The following TSHZ3 variants were observed in gnomAD, a reference collection of about 807,000 sequenced individuals.
TSHZ3 encodes the protein teashirt zinc finger homeobox 3.
In TSHZ3, 10 loss-of-function variants were observed where a neutral mutation model predicts 64.5. That is an observed-to-expected ratio of 0.16 (90% CI 0.10 to 0.26). TSHZ3 has a LOEUF of 0.26. Ranked by LOEUF, TSHZ3 falls within the 10% of genes least tolerant of loss-of-function variation. The probability of loss-of-function intolerance (pLI) is 1.00; values close to 1 mark genes in which losing one functional copy is unlikely to be tolerated. For synonymous variants in TSHZ3, 608 were observed against 593.1 expected (o/e 1.03, Z -0.36); for missense variants, 1,242 against 1,421.7 (o/e 0.87, Z 2.03).
chr19:31,281,991 G>A lies in TSHZ3; in HGVS notation c.41-2239C>T, dbSNP rs114377115. On this transcript the variant is annotated intron_variant, in intron 1 of 1. Coordinates refer to ENST00000240587, the MANE Select transcript of TSHZ3 (RefSeq NM_020856.4). ...AACTGAAGGATGGCTTGTTACCCTA[G>A]CTGGGGCACACAGTATGACTGAGGT... Among the ~76,000 whole-genome samples, 528 of 152,248 alleles carry A rather than the reference G, an allele frequency of 3.5e-3. 5 individuals carry two copies. Among genetic ancestry groups the A allele is most frequent in the African/African-American group, 0.012 (510 of 41,542 alleles).
intron 1 of TSHZ3, among the ~76,000 whole-genome samples, chr19:31,303,923 T>G (rs558449725): frequency 6.6e-6 from 1 of 152,250 alleles, no homozygotes; most frequent in African/African-American, 2.4e-5. Flanking sequence ...TTCCCAGCAC[T>G]AACCCACACA....
chr19:31,276,705 T>A lies in TSHZ3; in HGVS notation c.3088A>T (p.Thr1030Ser). The A allele has an allele frequency of 6.2e-7, 1 of 1,613,682 alleles. No homozygotes were observed. Among genetic ancestry groups the A allele is most frequent in the South Asian group, 1.1e-5 (1 of 91,060 alleles). The change falls in exon 2 of 2, where the codon ACG becomes TCG. Residue 1030 changes from threonine (T) to serine (S), a missense_variant. Physicochemically the swap from Thr to Ser is moderately conservative, Grantham distance 58. Around this residue, in one of 4 missense-constraint regions of TSHZ3, gnomAD observed 126 missense variants for 140.6 expected, o/e 0.90. Transcript: ENST00000240587. Reference protein sequence around the residue: ...QTKSPSEKMVTSSPEEDLGTS... With the variant: ...QTKSPSEKMVSSSPEEDLGTS... Reference sequence around the variant, plus strand: ...CCCAGGTCTTCCTCGGGGGAGGACGTCACCATTTTTTCTGACGGTGACTTG... The same window carrying A: ...CCCAGGTCTTCCTCGGGGGAGGACGACACCATTTTTTCTGACGGTGACTTG...
At chr19:31,336,376 G>A (rs1220915786) in intron 1 of TSHZ3, among the ~76,000 whole-genome samples, 1 of 152,122 alleles carries the variant, frequency 6.6e-6, no homozygotes, top group African/African-American at 2.4e-5. Context: ...TCGCTCTCTG[G>A]CTGGGACTCT....
chr19:31,177,921 A>C (rs1471803738), intron 5 of TSHZ3, among the ~76,000 whole-genome samples: 1 of 152,186 alleles, frequency 6.6e-6, no homozygotes, highest in Non-Finnish European at 1.5e-5. Context: ...AAATGTTTAG[A>C]GGCTCCTGTA....
chr19:31,269,479 AG>A (rs779430635), intron 1 of TSHZ3, among the ~76,000 whole-genome samples: 1 of 151,850 alleles, frequency 6.6e-6, no homozygotes, highest in Non-Finnish European at 1.5e-5. Context: ...TCTTGGCTCA[AG>A]TTTACCCAGC....
intron 1 of TSHZ3, among the ~76,000 whole-genome samples, chr19:31,262,501 T>C (rs1975992590): frequency 6.6e-6 from 1 of 152,216 alleles, no homozygotes; most frequent in Admixed American, 6.5e-5. Flanking sequence ...ATGTCTTTAC[T>C]AGTAAGATAG....
chr19:31,229,913 G>C (rs1171625399), intron 3 of TSHZ3, among the ~76,000 whole-genome samples: 1 of 152,268 alleles, frequency 6.6e-6, no homozygotes, highest in African/African-American at 2.4e-5. Flanking sequence ...AAAAGATTAT[G>C]TAGAGCCTGG....
chr19:31,187,199 C>T (rs1974825543), intron 5 of TSHZ3, among the ~76,000 whole-genome samples: 1 of 152,112 alleles, frequency 6.6e-6, no homozygotes, highest in Admixed American at 6.6e-5. Context: ...GTGATCTGTT[C>T]TCTATCACCA....
intron 5 of TSHZ3, among the ~76,000 whole-genome samples, chr19:31,164,307 G>C (rs540791192): frequency 5.3e-5 from 8 of 152,126 alleles, no homozygotes; most frequent in Non-Finnish European, 1.0e-4. Context: ...TGTTGACCTG[G>C]ACCCCTGAGA....
rs561416007 is a variant in TSHZ3, at chr19:31,233,511, C to A, written n.551-5371G>T. 5.3e-5 allele frequency among the ~76,000 whole-genome samples: 8 copies of A among 152,250 alleles called. No individual in the cohort carries two copies. In the South Asian group the frequency reaches 1.4e-3, roughly 28 times the overall value. On this transcript the variant is annotated intron_variant and non_coding_transcript_variant, in intron 3 of 6. Transcript: ENST00000651361. Reference sequence around the variant, plus strand: ...TAGTCTTTGCCAGATATGTGCATTGCAAATACTGTCTCCCAGTCTGTGGTT... The same window carrying A: ...TAGTCTTTGCCAGATATGTGCATTGAAAATACTGTCTCCCAGTCTGTGGTT...
chr19:31,311,060 C>A (rs1465647724), intron 1 of TSHZ3, among the ~76,000 whole-genome samples: 1 of 152,190 alleles, frequency 6.6e-6, no homozygotes, highest in Non-Finnish European at 1.5e-5. Context: ...GGAGGTGGTG[C>A]CACCTGGTAA....
At chr19:31,286,320 C>T (rs1347296697) in intron 1 of TSHZ3, among the ~76,000 whole-genome samples, 1 of 152,200 alleles carries the variant, frequency 6.6e-6, no homozygotes, top group African/African-American at 2.4e-5. Context: ...CCCAAAGTTA[C>T]AAAAGCTTTC....
chr19:31,282,785 T>A (rs1345882618), intron 1 of TSHZ3, among the ~76,000 whole-genome samples: 1 of 152,028 alleles, frequency 6.6e-6, no homozygotes, highest in Non-Finnish European at 1.5e-5. Context: ...TGGAACAAGA[T>A]CCAACTCAGA....
Position 31,278,628 on chromosome 19 carries a change from T to C in TSHZ3, c.1165A>G (p.Met389Val). ...EARKSQILKC[M>V]ECGSSHDTLQ... ...GTGTCATGCGAGCTCCCACACTCCA[T>C]GCACTTCAGGATCTGCGACTTCCGG... The change falls in exon 2 of 2, where the codon ATG becomes GTG. Residue 389 changes from methionine to valine, a missense_variant. By Grantham distance (21) the Met-to-Val change is conservative (BLOSUM62 1). Coordinates refer to ENST00000240587, the MANE Select transcript of TSHZ3 (RefSeq NM_020856.4). This position sits in a 1 kb window ranked among gnomAD's most constrained non-coding sequence, Gnocchi z 4.7. 1 of 1,614,152 alleles carries C rather than the reference T, an allele frequency of 6.2e-7. No individual in the cohort carries two copies. Among genetic ancestry groups the C allele is most frequent in the Non-Finnish European group, 8.5e-7 (1 of 1,179,998 alleles).
chr19:31,219,468 G>C lies in TSHZ3; in HGVS notation n.686+8537C>G, dbSNP rs368930172. 5.9e-5 allele frequency among the ~76,000 whole-genome samples: 9 copies of C among 152,130 alleles called. No homozygotes were observed. The East Asian group carries it at 1.2e-3, about 20-fold the overall frequency. On this transcript the variant is annotated intron_variant and non_coding_transcript_variant, in intron 4 of 6. Transcript: ENST00000651361. ...GTTCAGTGACTTGGCTTCTCTCTCT[G>C]TTGTGATTTTACCCTCTTCTAGAGC...
chr19:31,197,229 C>T (rs1975005672), intron 5 of TSHZ3, among the ~76,000 whole-genome samples: 1 of 151,454 alleles, frequency 6.6e-6, no homozygotes, highest in Non-Finnish European at 1.5e-5. Flanking sequence ...AAATAAATAT[C>T]AAGAGAAATT....
At chr19:31,180,413 C>T (rs929267114) in intron 5 of TSHZ3, among the ~76,000 whole-genome samples, 9 of 152,152 alleles carry the variant, frequency 5.9e-5, no homozygotes, top group African/African-American at 1.7e-4. Flanking sequence ...CTCTGGTGCA[C>T]GTTTCCTCAC....
At chr19:31,225,467 C>T (rs938465877) in intron 4 of TSHZ3, among the ~76,000 whole-genome samples, 5 of 152,208 alleles carry the variant, frequency 3.3e-5, no homozygotes, top group Admixed American at 2.0e-4. Context: ...ACCACAGCAA[C>T]ATGTTCAACG....
At position 31,349,270 on chromosome 19, in the gene TSHZ3, G is replaced by C; in HGVS notation, c.-51C>G. Reference sequence around the variant, plus strand: ...CCGCCGCCGCCGCCGCTGCCGGGCTGAGGACAGGGAGGGAGGGGGCGGCGG... The same window carrying C: ...CCGCCGCCGCCGCCGCTGCCGGGCTCAGGACAGGGAGGGAGGGGGCGGCGG... On this transcript the variant is annotated 5_prime_UTR_variant, in exon 1 of 2. Coordinates refer to ENST00000240587, the MANE Select transcript of TSHZ3 (RefSeq NM_020856.4). 1 of 1,457,524 alleles carries C rather than the reference G, an allele frequency of 6.9e-7. No individual in the cohort carries two copies. The highest frequency in any genetic ancestry group is 9.0e-7 in the Non-Finnish European group (1 of 1,112,992). The allele number at this position is 1,457,524 out of a possible 1,614,324, so 90.3% of individuals were successfully genotyped here. A position where few individuals can be genotyped will look rare whatever the true frequency, so the allele number is the denominator to read the frequency against.
Sources: allele counts gnomAD v4.1 joint callset (sites outside exome capture counted in the v4.1 genomes callset), GRCh38; gene constraint gnomAD v4.1.1; regional missense constraint gnomAD v4.1.1; non-coding constraint Gnocchi (gnomAD v3.1); transcripts MANE v1.5; gene names NCBI Gene and HGNC (gene_info 2026-07-23, HGNC 2026-07-21).